Variants in PRAMEF4 observed in about 807,000 individuals in gnomAD.
The protein encoded by PRAMEF4 is PRAME family member 4.
In PRAMEF4, 18 loss-of-function variants were observed where a neutral mutation model predicts 34.4. That is an observed-to-expected ratio of 0.52 (90% CI 0.36 to 0.78). PRAMEF4 has a LOEUF of 0.78. Ranked by LOEUF, PRAMEF4 falls within the 30% of genes least tolerant of loss-of-function variation. The pLI, the probability that PRAMEF4 is intolerant of heterozygous loss-of-function variation, is 0.00. For synonymous variants in PRAMEF4, 156 were observed against 219.3 expected (o/e 0.71, Z 2.55); for missense variants, 482 against 569.1 (o/e 0.85, Z 1.56).
At chr1:12,885,637 C>T (rs1569889965) in intron 1 of PRAMEF4, among the ~76,000 whole-genome samples, 1 of 145,350 alleles carries the variant, frequency 6.9e-6, no homozygotes, top group Non-Finnish European at 1.5e-5. Flanking sequence ...AAAAGTTAGC[C>T]AGGCATGGTT....
chr1:12,881,205 A>C (rs539285368), intron 3 of PRAMEF4, among the ~76,000 whole-genome samples: 2 of 147,774 alleles, frequency 1.4e-5, no homozygotes, highest in Non-Finnish European at 3.0e-5. Context: ...GTCTCTACTT[A>C]AAATATAAAA....
intron 3 of PRAMEF4, 99 bp downstream of exon 3, chr1:12,881,755 G>A: frequency 6.5e-7 from 1 of 1,549,698 alleles, no homozygotes; most frequent in East Asian, 2.3e-5. Flanking sequence ...CCCCTTCACT[G>A]TTTCATCCTC....
intron 1 of PRAMEF4, among the ~76,000 whole-genome samples, chr1:12,884,588 G>A (rs1247568236): frequency 4.8e-5 from 7 of 146,950 alleles, no homozygotes; most frequent in East Asian, 2.0e-4. Flanking sequence ...AGTGGTCTGC[G>A]CCTGTAGTCC....
intron 1 of PRAMEF4, 145 bp from the exon 2 acceptor site, chr1:12,883,555 A>T: frequency 1.7e-6 from 2 of 1,167,606 alleles, no homozygotes. Flanking sequence ...CTCAGTGGCC[A>T]TTAAGCCAGC....
intron 2 of PRAMEF4, among the ~76,000 whole-genome samples, chr1:12,882,790 A>C (rs1047734425): frequency 6.8e-6 from 1 of 147,468 alleles, no homozygotes; most frequent in Non-Finnish European, 1.5e-5. Context: ...GGGGTTTACC[A>C]TGTTGGACAG....
Position 12,885,467 on chromosome 1 carries a change from C to T in PRAMEF4, c.-17+680G>A, listed in dbSNP as rs554103174. On this transcript the variant is annotated intron_variant, in intron 1 of 3. Transcript: ENST00000235349. ...CTCAATCTTCTGGGCTCAAGTGATT[C>T]TCCCACACCAGCCACCCAAATAGCT... 3.4e-4 allele frequency among the ~76,000 whole-genome samples: 51 copies of T among 149,458 alleles called. 1 individual carries two copies. The highest frequency in any genetic ancestry group is 1.2e-3 in the African/African-American group (50 of 40,154).
At position 12,883,422 on chromosome 1, in the gene PRAMEF4, C is replaced by G. The variant is rs780013633; in HGVS notation, c.-16-12G>C. 12 of 1,601,200 alleles carry G rather than the reference C, an allele frequency of 7.5e-6. No individual in the cohort carries two copies. Among genetic ancestry groups the G allele is most frequent in the East Asian group, 4.5e-5 (2 of 44,394 alleles). On this transcript the variant is annotated splice_polypyrimidine_tract_variant and intron_variant, in intron 1 of 3. Transcript: ENST00000235349. ...ATCTGCAGGGAAAACTTCCAGAGGA[C>G]AAACCCAGAGAAAAGGCATCTCTCT...
In PRAMEF4 at chr1:12,883,217, A is replaced by C. The variant is rs3121081; in HGVS notation, c.178T>G (p.Ser60Ala). Residue 60 changes from serine (S) to alanine (A), a missense_variant, in exon 2 of 4, where the codon TCC (serine) becomes GCC (alanine). This residue lies in a region of PRAMEF4 where 172 missense variants were observed against 130.2 expected (regional missense o/e 1.32). Coordinates refer to ENST00000235349, the MANE Select transcript of PRAMEF4 (RefSeq NM_001009611.4). ...AGAGGGAGGCGGCGGAAGGGCCAGG[A>C]CTGCACCATCAGCTTCAGGGCCTCA... ...RCEALKLMVQ[S>A]WPFRRLPLRP... is the part of the protein sequence containing the mutation. 281,191 of 1,395,300 alleles carry C rather than the reference A, an allele frequency of 0.2. 64,454 individuals carry two copies. Among genetic ancestry groups the C allele is most frequent in the African/African-American group, 0.38 (24,088 of 63,576 alleles). 86.4% of individuals were successfully genotyped at this position (1,395,300 alleles called of 1,614,324 possible).
intron 1 of PRAMEF4, among the ~76,000 whole-genome samples, chr1:12,885,426 C>T (rs1036227292): frequency 6.7e-6 from 1 of 149,886 alleles, no homozygotes; most frequent in Non-Finnish European, 1.5e-5. Context: ...GTGGTGTGAG[C>T]ATGGCTCACT....
Position 12,883,274 on chromosome 1 carries a change from G to T in PRAMEF4, c.121C>A (p.Leu41Met), listed in dbSNP as rs776299581. The change falls in exon 2 of 4, where the codon CTG becomes ATG. Residue 41 changes from leucine (L) to methionine (M), a missense_variant. Physicochemically the swap from Leu to Met is conservative, Grantham distance 15. Coordinates refer to ENST00000235349, the MANE Select transcript of PRAMEF4 (RefSeq NM_001009611.4). ...CTCCTGCTGAAGGCCTCCATGAACA[G>T]TGGGGGGAAAAGTTCTGTGGGCAGC... ...EELPTELFPP[L>M]FMEAFSRRRC... is the part of the protein sequence containing the mutation. 2.6e-5 allele frequency: 42 copies of T among 1,598,222 alleles called. 4 individuals are homozygous for T. Among genetic ancestry groups the T allele is most frequent in the African/African-American group, 9.6e-5 (7 of 72,584 alleles).
In PRAMEF4 at chr1:12,881,943, G is replaced by T; in HGVS notation, c.786C>A (p.Phe262Leu). ...AGCGCAGCTTGAGGAACTGAGTGGTGAACTGGGTAACAATCTCCTTCTTCT... is the reference window on the plus strand; with the variant it reads ...AGCGCAGCTTGAGGAACTGAGTGGTTAACTGGGTAACAATCTCCTTCTTCT... ...PEQKKEIVTQ[F>L]TTQFLKLRCL... The change falls in exon 3 of 4, where the codon TTC becomes TTA. Residue 262 changes from phenylalanine to leucine, a missense_variant. This residue lies in a region of PRAMEF4 where 81 missense variants were observed against 73.1 expected (regional missense o/e 1.11). Coordinates refer to ENST00000235349, the MANE Select transcript of PRAMEF4 (RefSeq NM_001009611.4). 1.3e-6 allele frequency: 2 copies of T among 1,592,546 alleles called. No homozygotes were observed. Among genetic ancestry groups the T allele is most frequent in the South Asian group, 2.2e-5 (2 of 90,650 alleles).
chr1:12,883,002 C>A lies in PRAMEF4; in HGVS notation c.293+100G>T, dbSNP rs369209632. 3.5e-5 allele frequency: 54 copies of A among 1,527,112 alleles called. 3 individuals carry two copies. In the East Asian group the frequency reaches 1.1e-3, roughly 32 times the overall value. The allele number at this position is 1,527,112 out of a possible 1,614,324, so 94.6% of individuals were successfully genotyped here. ...TGGCCAAGTCCTCTCGGCTTCCTCA[C>A]CACCACCATCCCCCTTGGGCCTCCT... On this transcript the variant is annotated intron_variant, in intron 2 of 3. Coordinates refer to ENST00000235349, the MANE Select transcript of PRAMEF4 (RefSeq NM_001009611.4).
chr1:12,885,097 C>T (rs1476477254), intron 1 of PRAMEF4, among the ~76,000 whole-genome samples: 3 of 150,880 alleles, frequency 2.0e-5, no homozygotes, highest in Non-Finnish European at 4.4e-5. Flanking sequence ...CAATAGAAAT[C>T]TTCATGTATC....
At position 12,882,430 on chromosome 1, in the gene PRAMEF4, C is replaced by A; in HGVS notation, c.299G>T (p.Trp100Leu). 6.3e-7 allele frequency: 1 copy of A among 1,587,336 alleles called. No homozygotes were observed. Among genetic ancestry groups the A allele is most frequent in the South Asian group, 1.1e-5 (1 of 89,988 alleles). The change falls in exon 3 of 4, where the codon TGG becomes TTG. Residue 100 changes from tryptophan (W) to leucine (L), a missense_variant. Physicochemically the swap from Trp to Leu is moderately conservative, Grantham distance 61. Transcript: ENST00000235349. Reference protein sequence around the residue: ...LLNLGVRPRRWKLQVLDLQDV... With the variant: ...LLNLGVRPRRLKLQVLDLQDV... Reference sequence around the variant, plus strand: ...CTGTAAATCCAGCACTTGAAGTTTCCACCTCCTGTGGGAAAATAGAGGTGA... The same window carrying A: ...CTGTAAATCCAGCACTTGAAGTTTCAACCTCCTGTGGGAAAATAGAGGTGA...
intron 1 of PRAMEF4, among the ~76,000 whole-genome samples, chr1:12,883,827 T>G (rs1034840519): frequency 2.0e-5 from 3 of 146,834 alleles, no homozygotes; most frequent in Non-Finnish European, 4.5e-5. Context: ...GGGGCATCCC[T>G]AGAACAGGTT....
At position 12,879,375 on chromosome 1, in the gene PRAMEF4, T is replaced by C. The variant is rs1450441130; in HGVS notation, c.*169A>G. Reference sequence around the variant, plus strand: ...AAGTCCCATCGAATCCATGGCAACATTTCCCCCAAGTCCGGCCCCTGCTTG... The same window carrying C: ...AAGTCCCATCGAATCCATGGCAACACTTCCCCCAAGTCCGGCCCCTGCTTG... On this transcript the variant is annotated 3_prime_UTR_variant, in exon 4 of 4. Transcript: ENST00000235349. The C allele has an allele frequency of 5.5e-6, 4 of 732,870 alleles. No homozygotes were observed. In the Admixed American group the frequency reaches 9.7e-5, roughly 18 times the overall value. The allele number at this position is 732,870 out of a possible 1,614,324, so 45.4% of individuals were successfully genotyped here. A position where few individuals can be genotyped will look rare whatever the true frequency, so the allele number is the denominator to read the frequency against.
intron 3 of PRAMEF4, among the ~76,000 whole-genome samples, chr1:12,881,097 A>G (rs1640879624): frequency 6.8e-6 from 1 of 148,026 alleles, no homozygotes. Context: ...TGGGCGTGGT[A>G]GCTCTCGCCT....
At position 12,884,795 on chromosome 1, in the gene PRAMEF4, T is replaced by A. The variant is rs11577414; in HGVS notation, c.-17+1352A>T. Among the ~76,000 whole-genome samples the A allele has an allele frequency of 4.0e-3, 590 of 147,950 alleles. 9 individuals are homozygous for A. The highest frequency in any genetic ancestry group is 0.013 in the African/African-American group (499 of 39,134). On this transcript the variant is annotated intron_variant, in intron 1 of 3. Coordinates refer to ENST00000235349, the MANE Select transcript of PRAMEF4 (RefSeq NM_001009611.4). ...ATTGGATTTTTGGCTTTCTTAAAGATTAACTGATCGAATTAGATATTGATC... is the reference window on the plus strand; with the variant it reads ...ATTGGATTTTTGGCTTTCTTAAAGAATAACTGATCGAATTAGATATTGATC...
chr1:12,882,772 G>A (rs1431210918), intron 2 of PRAMEF4, among the ~76,000 whole-genome samples: 2 of 147,788 alleles, frequency 1.4e-5, no homozygotes, highest in South Asian at 2.1e-4. Flanking sequence ...AGTATTTTTA[G>A]TAGAGTTGGG....
Sources: allele counts gnomAD v4.1 joint callset (sites outside exome capture counted in the v4.1 genomes callset), GRCh38; gene constraint gnomAD v4.1.1; regional missense constraint gnomAD v4.1.1; transcripts MANE v1.5; gene names NCBI Gene and HGNC (gene_info 2026-07-23, HGNC 2026-07-21).